Variants in DISC1 observed in about 807,000 individuals in gnomAD.
DISC1 encodes the protein disrupted in schizophrenia 1 protein.
A neutral mutation model predicts 84.5 loss-of-function variants in DISC1; 57 were observed. The ratio of observed to expected loss-of-function variants is 0.67; its 90% CI spans 0.55 to 0.84. The LOEUF (loss-of-function observed/expected upper bound fraction) is 0.84. Ranked by LOEUF, DISC1 falls within the 40% of genes least tolerant of loss-of-function variation. The pLI is 0.00. For missense variants in DISC1, 1,000 were observed against 1,057.8 expected (o/e 0.95, Z 0.76); for synonymous variants, 411 against 415.2 (o/e 0.99, Z 0.12).
chr1:232,032,777 T>A (rs1670177006), intron 12 of DISC1, among the ~76,000 whole-genome samples: 1 of 152,230 alleles, frequency 6.6e-6, no homozygotes, highest in South Asian at 2.1e-4. Flanking sequence ...TTGTCAATAG[T>A]TTTGGAATTT....
At chr1:231,968,579 GAGAC>G (rs1165287098) in intron 10 of DISC1, among the ~76,000 whole-genome samples, 1 of 139,296 alleles carries the variant, frequency 7.2e-6, no homozygotes, top group East Asian at 2.1e-4. Flanking sequence ...GCGACAGAGC[GAGAC>G]TCCGTCTCAA....
At chr1:231,670,207 T>A (rs528842073) in intron 1 of DISC1, among the ~76,000 whole-genome samples, 13 of 152,228 alleles carry the variant, frequency 8.5e-5, no homozygotes, top group Non-Finnish European at 1.9e-4. Context: ...TAGGGCCTAT[T>A]GAAGAATTGG....
At chr1:231,908,925 T>C (rs1039928564) in intron 9 of DISC1, among the ~76,000 whole-genome samples, 1 of 152,192 alleles carries the variant, frequency 6.6e-6, no homozygotes, top group Non-Finnish European at 1.5e-5. Context: ...TTATTCTCTT[T>C]GTAGCAATTG....
intron 4 of DISC1, among the ~76,000 whole-genome samples, chr1:231,761,051 T>C (rs900578834): frequency 6.6e-6 from 1 of 152,252 alleles, no homozygotes; most frequent in African/African-American, 2.4e-5. Context: ...TTTTCTGTGA[T>C]GTAGGATCTT....
intron 10 of DISC1, among the ~76,000 whole-genome samples, chr1:231,974,385 C>A: frequency 6.6e-6 from 1 of 152,206 alleles, no homozygotes; most frequent in African/African-American, 2.4e-5. Context: ...TTTTACTGGT[C>A]TTTTTTTCTT....
rs190864147 is a variant in DISC1 at position 231,853,285 on chromosome 1, G to T, written c.1981+34768G>T. On this transcript the variant is annotated intron_variant, in intron 9 of 12. Transcript: ENST00000439617. ...ATTTAATGTTGGGGATACGTTATGA[G>T]AAATGCATCGTTAGGCAATTTTGCC... Among the ~76,000 whole-genome samples, 217 of 152,300 alleles carry T rather than the reference G, an allele frequency of 1.4e-3. 1 individual carries two copies. Among genetic ancestry groups the T allele is most frequent in the Non-Finnish European group, 1.2e-3 (81 of 68,028 alleles).
chr1:231,934,023 A>G (rs1201083830), intron 9 of DISC1, among the ~76,000 whole-genome samples: 6 of 152,198 alleles, frequency 3.9e-5, no homozygotes, highest in Admixed American at 3.3e-4. Context: ...CGAGAAGCCA[A>G]TATTCACTCA....
At chr1:231,761,122 C>T (rs1538979) in intron 4 of DISC1, among the ~76,000 whole-genome samples, 29,550 of 151,974 alleles carry the variant, frequency 0.19, 3,300 homozygotes, top group African/African-American at 0.3. Flanking sequence ...AGATTTTTCC[C>T]GTACTGGGGT....
At chr1:231,873,193 G>A (rs1442919260) in intron 9 of DISC1, among the ~76,000 whole-genome samples, 2 of 152,224 alleles carry the variant, frequency 1.3e-5, no homozygotes, top group Admixed American at 1.3e-4. Flanking sequence ...GAGACCTTGG[G>A]AAGAACAAAC....
intron 9 of DISC1, among the ~76,000 whole-genome samples, chr1:231,875,997 G>C (rs953573962): frequency 1.3e-5 from 2 of 152,178 alleles, no homozygotes; most frequent in Non-Finnish European, 2.9e-5. Flanking sequence ...ATTTGGAAAT[G>C]ACTGATAAAT....
chr1:231,917,904 A>G (rs1318482823), intron 9 of DISC1, among the ~76,000 whole-genome samples: 1 of 152,240 alleles, frequency 6.6e-6, no homozygotes, highest in East Asian at 1.9e-4. Flanking sequence ...TTCATATTCA[A>G]CGTGGAGATC....
chr1:231,962,313 C>T (rs1447779793), intron 10 of DISC1, among the ~76,000 whole-genome samples: 1 of 152,116 alleles, frequency 6.6e-6, no homozygotes, highest in Non-Finnish European at 1.5e-5. Flanking sequence ...GGAATATTTT[C>T]TCCCATTCTG....
At chr1:231,857,556 A>G (rs544125377) in intron 9 of DISC1, among the ~76,000 whole-genome samples, 1 of 152,166 alleles carries the variant, frequency 6.6e-6, no homozygotes, top group Non-Finnish European at 1.5e-5. Flanking sequence ...GTTATACTAG[A>G]TATTCTCCAT....
chr1:231,932,987 G>A (rs1433702678), intron 9 of DISC1, among the ~76,000 whole-genome samples: 1 of 152,178 alleles, frequency 6.6e-6, no homozygotes, highest in East Asian at 1.9e-4. Context: ...GTAATCATAT[G>A]TGAAATGGAG....
chr1:231,810,007 T>C (rs2080138873), intron 8 of DISC1, among the ~76,000 whole-genome samples: 1 of 152,256 alleles, frequency 6.6e-6, no homozygotes, highest in African/African-American at 2.4e-5. Context: ...CCCCTAATGA[T>C]ATAATCTAAA....
rs1441368106 is a variant in DISC1 at position 231,675,744 on chromosome 1, T to C, written c.68-18082T>C. ...TCTTCTCTTGTCTTCGAGGTCCTTCTTACTCCCTTGTCCAATGTGTGACAT... is the reference window on the plus strand; with the variant it reads ...TCTTCTCTTGTCTTCGAGGTCCTTCCTACTCCCTTGTCCAATGTGTGACAT... On this transcript the variant is annotated intron_variant, in intron 1 of 12. Transcript: ENST00000439617. This position sits in a 1 kb window ranked among gnomAD's most constrained non-coding sequence, Gnocchi z 4.1. Among the ~76,000 whole-genome samples the C allele has an allele frequency of 6.6e-6, 1 of 152,192 alleles. No individual in the cohort carries two copies. Among genetic ancestry groups the C allele is most frequent in the Non-Finnish European group, 1.5e-5 (1 of 68,024 alleles).
chr1:231,778,723 A>C (rs935038795), intron 6 of DISC1, among the ~76,000 whole-genome samples: 1 of 152,220 alleles, frequency 6.6e-6, no homozygotes, highest in South Asian at 2.1e-4. Flanking sequence ...AATCCCCCTT[A>C]TCTGGCTGGG....
chr1:231,989,857 C>A (rs145436419), intron 10 of DISC1, among the ~76,000 whole-genome samples: 5 of 152,256 alleles, frequency 3.3e-5, no homozygotes, highest in Admixed American at 2.0e-4. Flanking sequence ...GAAACACATG[C>A]GCACCGAGTT....
At chr1:231,911,125 A>G (rs112003197) in intron 9 of DISC1, among the ~76,000 whole-genome samples, 2,269 of 152,202 alleles carry the variant, frequency 0.015, 66 homozygotes, top group African/African-American at 0.051. Context: ...TTGATTCTTT[A>G]TCCAATTTGC....
Sources: gnomAD v4.1 joint callset for allele counts (sites outside exome capture counted in the v4.1 genomes callset) on GRCh38, gnomAD v4.1.1 for gene constraint, Gnocchi (gnomAD v3.1) non-coding constraint, MANE v1.5 for transcripts, NCBI Gene and HGNC (gene_info 2026-07-23, HGNC 2026-07-21) for gene names.